The following MAST2 variants were observed in gnomAD, a reference collection of about 807,000 sequenced individuals.
MAST2 encodes the protein microtubule associated serine/threonine kinase 2, also known as microtubule-associated serine/threonine-protein kinase 2.
A neutral mutation model predicts 147.4 loss-of-function variants in MAST2; 70 were observed. The observed-to-expected ratio is 0.47, with a 90% CI of 0.39 to 0.58. The LOEUF (loss-of-function observed/expected upper bound fraction) is 0.58. Ranked by LOEUF, MAST2 falls within the 20% of genes least tolerant of loss-of-function variation. The probability of loss-of-function intolerance (pLI) is 0.00; values close to 1 mark genes in which losing one functional copy is unlikely to be tolerated. For missense variants in MAST2, 2,080 were observed against 2,302.3 expected (o/e 0.90, Z 1.98); for synonymous variants, 869 against 896.8 (o/e 0.97, Z 0.55).
At chr1:45,924,977 T>A (rs991004271) in intron 4 of MAST2, among the ~76,000 whole-genome samples, 3 of 152,224 alleles carry the variant, frequency 2.0e-5, no homozygotes, top group African/African-American at 7.2e-5. Flanking sequence ...AATAAATTTC[T>A]GTTGGTTAAG....
chr1:45,804,172 G>A (rs1644070647), intron 1 of MAST2, 100 bp downstream of exon 1: 1 of 1,239,010 alleles, frequency 8.1e-7, no homozygotes, highest in African/African-American at 1.6e-5. Flanking sequence ...GAGGGGTGGG[G>A]TCTGAGTAGT....
chr1:45,994,264 C>T (rs959849566), intron 5 of MAST2, among the ~76,000 whole-genome samples: 1 of 141,232 alleles, frequency 7.1e-6, no homozygotes, highest in African/African-American at 2.6e-5. Context: ...TGGCTCAAAG[C>T]CCTAACCCTC....
intron 4 of MAST2, among the ~76,000 whole-genome samples, chr1:45,888,113 T>C (rs1647173810): frequency 6.6e-6 from 1 of 152,230 alleles, no homozygotes; most frequent in African/African-American, 2.4e-5. Flanking sequence ...TTTATATCGC[T>C]AGATCTCATA....
chr1:46,027,801 C>T lies in MAST2; in HGVS notation c.1990C>T (p.Leu664=). 1 of 1,614,164 alleles carries T rather than the reference C, an allele frequency of 6.2e-7. No individual in the cohort carries two copies. ...ACTGTCCAAAATTGGCCTCATGAGT[C>T]TGACAACGAACTTGTATGAGGGTCA... is the stretch of plus-strand genomic sequence containing the variant. ...FGLSKIGLMS[L]TTNLYEGHIE... The change falls in exon 17 of 29, where the codon CTG becomes TTG. Residue 664 remains leucine, a synonymous_variant. Transcript: ENST00000361297.
chr1:45,804,387 C>T (rs1247362864), intron 1 of MAST2, among the ~76,000 whole-genome samples: 2 of 151,918 alleles, frequency 1.3e-5, no homozygotes, highest in Admixed American at 6.6e-5. Context: ...ACTAAAGAGG[C>T]GTTGAGGAGT....
At chr1:45,977,204 T>A (rs1369461681) in intron 5 of MAST2, among the ~76,000 whole-genome samples, 1 of 152,208 alleles carries the variant, frequency 6.6e-6, no homozygotes, top group East Asian at 1.9e-4. Flanking sequence ...AAATGAAGAA[T>A]TTCACCGGGC....
At chr1:45,969,929 G>T (rs1643848737) in intron 5 of MAST2, among the ~76,000 whole-genome samples, 1 of 152,014 alleles carries the variant, frequency 6.6e-6, no homozygotes, top group South Asian at 2.1e-4. Flanking sequence ...ATGAGCCTTT[G>T]TCCCTGGACT....
At chr1:45,919,214 A>C (rs1653053478) in intron 4 of MAST2, among the ~76,000 whole-genome samples, 1 of 152,280 alleles carries the variant, frequency 6.6e-6, no homozygotes, top group African/African-American at 2.4e-5. Flanking sequence ...TTCAGATAAG[A>C]AGTGGTCAGA....
chr1:45,956,937 T>C (rs1004649683), intron 4 of MAST2, among the ~76,000 whole-genome samples: 1 of 152,222 alleles, frequency 6.6e-6, no homozygotes, highest in African/African-American at 2.4e-5. Context: ...TGAGAGGAAT[T>C]CGTCACAATG....
In MAST2 at chr1:45,809,642, C is replaced by CA. The variant is rs531303538; in HGVS notation, c.177+5576dup. Among the ~76,000 whole-genome samples, 34 of 152,034 alleles carry CA rather than the reference C, an allele frequency of 2.2e-4. No homozygotes were observed. The East Asian group carries it at 6.6e-3, about 29-fold the overall frequency. On this transcript the variant is annotated intron_variant, in intron 1 of 28. Transcript: ENST00000361297. ...ATGAGACCGTGTCTCGTAAAGAAAG[C>CA]AAAAAACAAACAAACAAAAAACAAA...
chr1:45,839,129 A>ATTTTTTTTTTTTTTTTT (rs370950575), intron 3 of MAST2, among the ~76,000 whole-genome samples: 2 of 127,626 alleles, frequency 1.6e-5, no homozygotes, highest in Non-Finnish European at 1.6e-5. Context: ...ACCATCACAA[A>ATTTTTTTTTTTTTTTTT]TTTTTTTTTT....
chr1:45,846,423 T>TC (rs565897352), intron 3 of MAST2, among the ~76,000 whole-genome samples: 7 of 151,994 alleles, frequency 4.6e-5, no homozygotes, highest in Non-Finnish European at 2.9e-5. Flanking sequence ...GTTATATTGC[T>TC]CCCCCCGGCC....
chr1:45,847,292 C>A, intron 3 of MAST2: 1 of 507,682 alleles, frequency 2.0e-6, no homozygotes, highest in South Asian at 1.5e-5. Flanking sequence ...AACAGTGCTG[C>A]CTGTCCTGCT....
intron 5 of MAST2, among the ~76,000 whole-genome samples, chr1:45,984,432 A>G (rs1644533330): frequency 6.6e-6 from 1 of 151,554 alleles, no homozygotes; most frequent in East Asian, 1.9e-4. Context: ...CCTCCCAACT[A>G]AGTACGACCA....
rs11302327 is a variant in MAST2 at position 45,831,030 on chromosome 1, G to GA, written c.468+1468dup. Among the ~76,000 whole-genome samples the GA allele has an allele frequency of 3.1e-3, 361 of 116,258 alleles. 1 individual carries two copies. The highest frequency in any genetic ancestry group is 0.017 in the East Asian group (69 of 4,006). 76.3% of individuals were successfully genotyped at this position (116,258 alleles called of 152,430 possible). On this transcript the variant is annotated intron_variant, in intron 3 of 28. Transcript: ENST00000361297. Reference sequence around the variant, plus strand: ...TGGCGACAGAGTGAGACCTTGTCTGGAAAAAAAAAAAAAAAAAAAGCCTTT... The same window carrying GA: ...TGGCGACAGAGTGAGACCTTGTCTGGAAAAAAAAAAAAAAAAAAAAGCCTTT...
At chr1:45,961,702 A>C (rs1660442072) in intron 5 of MAST2, among the ~76,000 whole-genome samples, 1 of 152,212 alleles carries the variant, frequency 6.6e-6, no homozygotes, top group African/African-American at 2.4e-5. Flanking sequence ...CCAGCTGTTG[A>C]GACAGGCAGC....
chr1:46,031,355 G>C lies in MAST2; in HGVS notation c.2993-36G>C, dbSNP rs751685998. 8 of 1,584,954 alleles carry C rather than the reference G, an allele frequency of 5.0e-6. No individual in the cohort carries two copies. The highest frequency in any genetic ancestry group is 6.9e-6 in the Non-Finnish European group (8 of 1,161,860). ...ATACTGCAGGGCAGGGAGGCTCAGC[G>C]GCATCGCGGGTCTCACTGCTTACTT... On this transcript the variant is annotated intron_variant, in intron 23 of 28. Coordinates refer to ENST00000361297, the MANE Select transcript of MAST2 (RefSeq NM_015112.3). The surrounding 1 kb of genome is among the most constrained non-coding windows in gnomAD (Gnocchi z 4.1).
At chr1:45,929,786 G>C (rs1364602961) in intron 4 of MAST2, among the ~76,000 whole-genome samples, 1 of 152,052 alleles carries the variant, frequency 6.6e-6, no homozygotes. Context: ...ATACATATGT[G>C]TGTGTAAATA....
Position 46,035,878 on chromosome 1 carries a change from G to C in MAST2, c.5209G>C (p.Glu1737Gln). Reference sequence around the variant, plus strand: ...GTCTGAGTGTGCACAAGCAGTGAAAGAGGATCCAGCCCTGAGCATCACCCA... The same window carrying C: ...GTCTGAGTGTGCACAAGCAGTGAAACAGGATCCAGCCCTGAGCATCACCCA... ...WESECAQAVK[E>Q]DPALSITQVP... Residue 1737 changes from glutamate (E) to glutamine (Q), a missense_variant, in exon 29 of 29, where the codon GAG (glutamate) becomes CAG (glutamine). By Grantham distance (29) the Glu-to-Gln change is conservative (BLOSUM62 2). Around this residue, in one of 4 missense-constraint regions of MAST2, gnomAD observed 1,278 missense variants for 1,304.2 expected, o/e 0.98. Coordinates refer to ENST00000361297, the MANE Select transcript of MAST2 (RefSeq NM_015112.3). This position sits in a 1 kb window ranked among gnomAD's most constrained non-coding sequence, Gnocchi z 5.5. 1 of 1,614,140 alleles carries C rather than the reference G, an allele frequency of 6.2e-7. No individual in the cohort carries two copies. Among genetic ancestry groups the C allele is most frequent in the Non-Finnish European group, 8.5e-7 (1 of 1,180,032 alleles).
Sources: gnomAD v4.1 joint callset for allele counts (sites outside exome capture counted in the v4.1 genomes callset) on GRCh38, gnomAD v4.1.1 for gene constraint, gnomAD v4.1.1 regional missense constraint, Gnocchi (gnomAD v3.1) non-coding constraint, MANE v1.5 for transcripts, NCBI Gene and HGNC (gene_info 2026-07-23, HGNC 2026-07-21) for gene names.